The following GSE1 variants were observed in gnomAD, a reference collection of about 807,000 sequenced individuals.
GSE1 encodes the protein Gse1 coiled-coil protein.
Under a neutral mutation model 112.6 loss-of-function variants are expected in GSE1, and 32 were observed. That is an observed-to-expected ratio of 0.28 (90% CI 0.21 to 0.38). GSE1 has a LOEUF of 0.38. Ranked by LOEUF, GSE1 falls within the 10% of genes least tolerant of loss-of-function variation. GSE1 has a pLI of 1.00. For missense variants in GSE1, 2,348 were observed against 1,699.2 expected (o/e 1.38, Z -6.71); for synonymous variants, 1,115 against 735.6 (o/e 1.52, Z -8.35).
In GSE1 at chr16:85,633,898, T is replaced by G; in HGVS notation, c.8-16T>G. The G allele has an allele frequency of 3.1e-6, 5 of 1,601,978 alleles. No individual in the cohort carries two copies. The highest frequency in any genetic ancestry group is 4.3e-6 in the Non-Finnish European group (5 of 1,172,702). ...TGCTCTCTGGGTGACCTCTGGTTCT[T>G]CTTTTCCTGTTTCAGGCATGAGCCA... On this transcript the variant is annotated splice_polypyrimidine_tract_variant and intron_variant, in intron 1 of 15. Transcript: ENST00000253458.
Position 85,666,232 on chromosome 16 carries a change from C to G in GSE1, c.3015C>G (p.Ser1005=). The change falls in exon 13 of 16, where the codon TCC becomes TCG. Residue 1005 remains serine, a synonymous_variant. Coordinates refer to ENST00000253458, the MANE Select transcript of GSE1 (RefSeq NM_014615.5). The part of the protein sequence containing the change: ...AAPKDIPVPL[S]HSTNGKSKPW... Reference sequence around the variant, plus strand: ...CCAAGGACATTCCTGTGCCGCTGTCCCACAGCACCAATGGGAAGAGCAAGC... The same window carrying G: ...CCAAGGACATTCCTGTGCCGCTGTCGCACAGCACCAATGGGAAGAGCAAGC... 6.2e-7 allele frequency: 1 copy of G among 1,613,736 alleles called. No individual in the cohort carries two copies. The highest frequency in any genetic ancestry group is 8.5e-7 in the Non-Finnish European group (1 of 1,180,030).
intron 1 of GSE1, among the ~76,000 whole-genome samples, chr16:85,629,864 C>G (rs1035789589): frequency 6.6e-6 from 1 of 152,172 alleles, no homozygotes; most frequent in Non-Finnish European, 1.5e-5. Flanking sequence ...CTGACCGTAT[C>G]AGTTATCTAG....
Position 85,194,892 on chromosome 16 carries a change from AAGTGAGTGGCTAAAAATGGCTAAC to A in GSE1, c.2283+23094_2283+23117del, listed in dbSNP as rs1391685460. Among the ~76,000 whole-genome samples the A allele has an allele frequency of 5.3e-5, 8 of 152,184 alleles. No homozygotes were observed. In the South Asian group the frequency reaches 1.0e-3, roughly 20 times the overall value. On this transcript the variant is annotated intron_variant, in intron 1 of 2. Transcript: ENST00000637419. ...GTATTTTTTTTTAAGAAGAGGCTAAAAGTGAGTGGCTAAAAATGGCTAACAGTGAGTGTTCGGGGCAGTCATAGC... is the reference window on the plus strand; with the variant it reads ...GTATTTTTTTTTAAGAAGAGGCTAAAAGTGAGTGTTCGGGGCAGTCATAGC...
upstream of GSE1, among the ~76,000 whole-genome samples, chr16:85,608,213 C>T (rs3935120): frequency 0.039 from 5,918 of 152,202 alleles, 423 homozygotes; most frequent in African/African-American, 0.13. Context: ...GGGGCTTGCA[C>T]CTTCACCGAT....
At chr16:85,466,943 C>A (rs1482839381) in intron 2 of GSE1, among the ~76,000 whole-genome samples, 1 of 152,166 alleles carries the variant, frequency 6.6e-6, no homozygotes, top group African/African-American at 2.4e-5. Flanking sequence ...CCCTGTAATC[C>A]CAGTTACTTG....
intron 1 of GSE1, among the ~76,000 whole-genome samples, chr16:85,253,216 C>T (rs1010722796): frequency 3.9e-5 from 6 of 152,262 alleles, no homozygotes; most frequent in South Asian, 2.1e-4. Context: ...CCTGCCTCGC[C>T]GCCGGCGACT....
In GSE1 at chr16:85,579,351, G is replaced by T. The variant is rs1173261314; in HGVS notation, c.37+22988G>T. On this transcript the variant is annotated intron_variant, in intron 1 of 2. Transcript: ENST00000635906. ...ATTCTGGCTGGGGCCAGCTTGGGTC[G>T]GTGGCAGACACAGCAGGTCTTTGTA... Among the ~76,000 whole-genome samples, 3 of 152,176 alleles carry T rather than the reference G, an allele frequency of 2.0e-5. No homozygotes were observed. In the East Asian group the frequency reaches 5.8e-4, roughly 29 times the overall value.
At chr16:85,302,806 T>C (rs1184757123) in intron 1 of GSE1, among the ~76,000 whole-genome samples, 1 of 152,174 alleles carries the variant, frequency 6.6e-6, no homozygotes, top group African/African-American at 2.4e-5. Flanking sequence ...AGGTGCGGTG[T>C]GCTGGGCAGG....
At chr16:85,610,556 C>T (rs1321142737), upstream of GSE1, among the ~76,000 whole-genome samples, 8 of 152,242 alleles carry the variant, frequency 5.3e-5, no homozygotes, top group African/African-American at 1.9e-4. Flanking sequence ...GGAGGCCGTG[C>T]TCCGGATTAC....
chr16:85,300,503 G>T (rs1329633526), intron 1 of GSE1, among the ~76,000 whole-genome samples: 2 of 152,216 alleles, frequency 1.3e-5, no homozygotes, highest in Non-Finnish European at 2.9e-5. Flanking sequence ...TCTCTAAGGA[G>T]CTGCCTGTCC....
chr16:85,359,300 G>T (rs1170224249), intron 2 of GSE1: 1 of 440,704 alleles, frequency 2.3e-6, no homozygotes, highest in Non-Finnish European at 4.6e-6. Context: ...GGGCTCCGAG[G>T]AGGAGGCAGC....
intron 1 of GSE1, among the ~76,000 whole-genome samples, chr16:85,566,893 C>T (rs2045773085): frequency 6.6e-6 from 1 of 152,192 alleles, no homozygotes; most frequent in South Asian, 2.1e-4. Flanking sequence ...GGAGGGGCCG[C>T]AGCGGAAGGG....
At chr16:85,372,552 G>A (rs918136445) in intron 2 of GSE1, among the ~76,000 whole-genome samples, 4 of 150,622 alleles carry the variant, frequency 2.7e-5, no homozygotes, top group East Asian at 2.0e-4. Flanking sequence ...CAAGTAGTGC[G>A]CACCTCGTGC....
chr16:85,611,572 T>C (rs556658419), upstream of GSE1: 943 of 742,140 alleles, frequency 1.3e-3, 11 homozygotes, highest in African/African-American at 0.016. Context: ...CGCCGGTCCG[T>C]TTCCCTTTTC....
At chr16:85,256,276 A>G (rs1907071617) in intron 1 of GSE1, among the ~76,000 whole-genome samples, 2 of 152,190 alleles carry the variant, frequency 1.3e-5, no homozygotes, top group South Asian at 4.1e-4. Context: ...ATAATATAAT[A>G]ATAATAATGA....
chr16:85,565,044 G>A (rs895397024), intron 1 of GSE1, among the ~76,000 whole-genome samples: 3 of 152,068 alleles, frequency 2.0e-5, no homozygotes, highest in African/African-American at 4.8e-5. Context: ...TCATCAAGCC[G>A]GTGACACATG....
chr16:85,626,607 C>G (rs534372892), intron 1 of GSE1, among the ~76,000 whole-genome samples: 4 of 152,190 alleles, frequency 2.6e-5, no homozygotes, highest in African/African-American at 9.7e-5. Flanking sequence ...GTAATTACCC[C>G]ACGGGGGGCT....
intron 1 of GSE1, among the ~76,000 whole-genome samples, chr16:85,261,104 T>G (rs577312966): frequency 6.6e-6 from 1 of 152,288 alleles, no homozygotes; most frequent in African/African-American, 2.4e-5. Flanking sequence ...TGATCAGCCC[T>G]TACCACCCCC....
intron 2 of GSE1, among the ~76,000 whole-genome samples, chr16:85,434,937 C>T (rs991715296): frequency 3.3e-5 from 5 of 152,242 alleles, no homozygotes; most frequent in Admixed American, 2.0e-4. Flanking sequence ...TTTCCCTGTC[C>T]CCTCCCCAAA....
Sources: allele counts gnomAD v4.1 joint callset (sites outside exome capture counted in the v4.1 genomes callset), GRCh38; gene constraint gnomAD v4.1.1; transcripts MANE v1.5; gene names NCBI Gene and HGNC (gene_info 2026-07-23, HGNC 2026-07-21).